The following SMYD3 variants were observed in gnomAD, a reference collection of about 807,000 sequenced individuals.
SMYD3 encodes SET and MYND domain containing 3, also known as histone-lysine N-methyltransferase SMYD3.
SMYD3 carries 36 observed loss-of-function variants against 57.7 expected under a neutral mutation model. The ratio of observed to expected loss-of-function variants is 0.62; its 90% CI spans 0.48 to 0.82. The LOEUF is 0.82. Among genes scored for constraint, SMYD3 ranks in the 40% least tolerant of loss-of-function variants. SMYD3 has a pLI of 0.00. For missense variants in SMYD3, 515 were observed against 538.8 expected (o/e 0.96, Z 0.44); for synonymous variants, 211 against 195.0 (o/e 1.08, Z -0.68).
chr1:245,764,000 A>G, intron 11 of SMYD3, 41 bp downstream of exon 11: 3 of 1,478,394 alleles, frequency 2.0e-6, no homozygotes, highest in Non-Finnish European at 2.8e-6. Flanking sequence ...GCAGAAAAAA[A>G]GGATGCCAGG....
intron 5 of SMYD3, among the ~76,000 whole-genome samples, chr1:246,125,099 C>G (rs12030481): frequency 0.064 from 9,534 of 150,012 alleles, 610 homozygotes; most frequent in South Asian, 0.18. Context: ...CACACACACA[C>G]ACACACATCT....
chr1:245,886,780 A>C (rs1206481765), intron 8 of SMYD3, among the ~76,000 whole-genome samples: 3 of 152,070 alleles, frequency 2.0e-5, no homozygotes, highest in Non-Finnish European at 4.4e-5. Context: ...TTCTACACAC[A>C]CTCACGTTTT....
At chr1:246,132,799 C>A (rs1417004704) in intron 5 of SMYD3, among the ~76,000 whole-genome samples, 3 of 152,058 alleles carry the variant, frequency 2.0e-5, no homozygotes, top group East Asian at 1.9e-4. Flanking sequence ...AAAGGAAAAA[C>A]CCAATTTTTA....
chr1:246,418,084 A>G (rs906806507), intron 1 of SMYD3, among the ~76,000 whole-genome samples: 2 of 152,168 alleles, frequency 1.3e-5, no homozygotes, highest in Non-Finnish European at 2.9e-5. Context: ...GCACATTAAT[A>G]CATTTATATG....
At chr1:245,791,867 T>C (rs1405882058) in intron 10 of SMYD3, among the ~76,000 whole-genome samples, 1 of 152,064 alleles carries the variant, frequency 6.6e-6, no homozygotes, top group Non-Finnish European at 1.5e-5. Context: ...TTATCAGCTC[T>C]CCTCTCATGC....
chr1:246,312,637 T>C (rs2065098078), intron 5 of SMYD3, among the ~76,000 whole-genome samples: 1 of 152,126 alleles, frequency 6.6e-6, no homozygotes, highest in Admixed American at 6.5e-5. Context: ...ACGACGAATC[T>C]GAAGTAAAAC....
intron 5 of SMYD3, among the ~76,000 whole-genome samples, chr1:246,129,837 A>C (rs1419213510): frequency 1.3e-5 from 2 of 152,292 alleles, no homozygotes; most frequent in Non-Finnish European, 2.9e-5. Context: ...TAGCTAGTCA[A>C]GCAAAGAGTG....
chr1:245,940,645 A>G (rs1400102086), intron 5 of SMYD3, among the ~76,000 whole-genome samples: 2 of 152,170 alleles, frequency 1.3e-5, no homozygotes, highest in African/African-American at 4.8e-5. Flanking sequence ...AGACTCCACA[A>G]AAACCCCACC....
At chr1:246,043,278 T>C (rs550971463) in intron 5 of SMYD3, among the ~76,000 whole-genome samples, 1 of 152,370 alleles carries the variant, frequency 6.6e-6, no homozygotes, top group East Asian at 1.9e-4. Context: ...ATTGCCTTTA[T>C]TCAGACTAAT....
At chr1:245,863,201 T>G (rs1472371088) in intron 9 of SMYD3, among the ~76,000 whole-genome samples, 1 of 152,226 alleles carries the variant, frequency 6.6e-6, no homozygotes, top group Non-Finnish European at 1.5e-5. Flanking sequence ...TTCTCAGCCT[T>G]GGCCTATCCA....
intron 10 of SMYD3, among the ~76,000 whole-genome samples, chr1:245,854,895 T>C (rs1475261246): frequency 1.3e-5 from 2 of 152,162 alleles, no homozygotes; most frequent in African/African-American, 4.8e-5. Flanking sequence ...GATGGAACCA[T>C]TGTTCATGTT....
chr1:246,230,337 G>T (rs116732580), intron 5 of SMYD3, among the ~76,000 whole-genome samples: 1 of 143,328 alleles, frequency 7.0e-6, no homozygotes, highest in Non-Finnish European at 1.5e-5. Context: ...ATCTGCAATC[G>T]CTCACCAGAA....
Position 245,929,957 on chromosome 1 carries a change from C to A in SMYD3, c.532-20G>T. On this transcript the variant is annotated intron_variant, in intron 5 of 11. Transcript: ENST00000490107. Reference sequence around the variant, plus strand: ...GATCACCTGTAAACACAAGGGGAACCATCAGTATTACTAGAGTCACTTAAG... The same window carrying A: ...GATCACCTGTAAACACAAGGGGAACAATCAGTATTACTAGAGTCACTTAAG... 6.2e-7 allele frequency: 1 copy of A among 1,605,868 alleles called. No homozygotes were observed. Among genetic ancestry groups the A allele is most frequent in the Non-Finnish European group, 8.5e-7 (1 of 1,172,876 alleles).
intron 5 of SMYD3, among the ~76,000 whole-genome samples, chr1:246,176,582 G>C (rs931443998): frequency 6.6e-6 from 1 of 152,152 alleles, no homozygotes; most frequent in African/African-American, 2.4e-5. Flanking sequence ...ATGCAGTGGC[G>C]CAAGATCACA....
chr1:245,848,713 A>G (rs2050796192), intron 10 of SMYD3, among the ~76,000 whole-genome samples: 1 of 152,146 alleles, frequency 6.6e-6, no homozygotes, highest in Non-Finnish European at 1.5e-5. Context: ...TGCTAGGCCC[A>G]CAAAAGGTAT....
At chr1:245,866,777 G>A (rs1023444717) in intron 8 of SMYD3, among the ~76,000 whole-genome samples, 1 of 152,024 alleles carries the variant, frequency 6.6e-6, no homozygotes, top group Non-Finnish European at 1.5e-5. Flanking sequence ...CCCTTCAAAT[G>A]CCTGCTTTAA....
chr1:245,902,214 A>G (rs1002459457), intron 8 of SMYD3, among the ~76,000 whole-genome samples: 1 of 152,120 alleles, frequency 6.6e-6, no homozygotes, highest in African/African-American at 2.4e-5. Flanking sequence ...TGTGTCCTAT[A>G]CCCTGGGGAC....
chr1:245,911,644 A>G (rs1484607408), intron 8 of SMYD3, among the ~76,000 whole-genome samples: 1 of 152,098 alleles, frequency 6.6e-6, no homozygotes, highest in Non-Finnish European at 1.5e-5. Context: ...ACAGAAAGAC[A>G]TATCTCATGT....
chr1:246,220,378 A>G (rs957448359), intron 5 of SMYD3, among the ~76,000 whole-genome samples: 1 of 137,238 alleles, frequency 7.3e-6, no homozygotes, highest in African/African-American at 2.7e-5. Context: ...CTCCCAAACC[A>G]TGGCTGCAGA....
Sources: gnomAD v4.1 joint callset for allele counts (sites outside exome capture counted in the v4.1 genomes callset) on GRCh38, gnomAD v4.1.1 for gene constraint, MANE v1.5 for transcripts, NCBI Gene and HGNC (gene_info 2026-07-23, HGNC 2026-07-21) for gene names.